Variants in PELI2 observed in about 807,000 individuals in gnomAD.
PELI2 encodes E3 ubiquitin-protein ligase pellino homolog 2.
A neutral mutation model predicts 42.3 loss-of-function variants in PELI2; 23 were observed. The observed-to-expected ratio is 0.54, with a 90% confidence interval of 0.39 to 0.77. The LOEUF (loss-of-function observed/expected upper bound fraction) is 0.77, where lower values mean the gene tolerates loss of function less well. Among genes scored for constraint, PELI2 ranks in the 30% least tolerant of loss-of-function variants. The pLI is 0.00. For missense variants in PELI2, 463 were observed against 553.2 expected (o/e 0.84, Z 1.64); for synonymous variants, 245 against 212.2 (o/e 1.15, Z -1.34).
At chr14:56,184,476 T>C (rs573299181) in intron 2 of PELI2, among the ~76,000 whole-genome samples, 1 of 152,120 alleles carries the variant, frequency 6.6e-6, no homozygotes, top group African/African-American at 2.4e-5. Flanking sequence ...AATTAAATTT[T>C]AATAACATCC....
chr14:56,198,421 A>C (rs539354730), intron 2 of PELI2, among the ~76,000 whole-genome samples: 1 of 152,204 alleles, frequency 6.6e-6, no homozygotes, highest in Non-Finnish European at 1.5e-5. Context: ...GCGTGGCATC[A>C]TGGAGCATGA....
chr14:56,140,322 A>G lies in PELI2; in HGVS notation c.77+21585A>G, dbSNP rs556150415. Among the ~76,000 whole-genome samples the G allele has an allele frequency of 5.1e-4, 77 of 152,324 alleles. 1 individual carries two copies. The highest frequency in any genetic ancestry group is 1.6e-3 in the African/African-American group (68 of 41,562). On this transcript the variant is annotated intron_variant, in intron 1 of 5. Coordinates refer to ENST00000267460, the MANE Select transcript of PELI2 (RefSeq NM_021255.3). ...ACTTATTCATTTAAAATGAATTACA[A>G]CCATATCTATGGTCACTTTAAATGA...
In PELI2 at chr14:56,219,061, T is replaced by G. The variant is rs1594650760; in HGVS notation, c.207+40597T>G. Among the ~76,000 whole-genome samples the G allele has an allele frequency of 2.0e-5, 3 of 152,292 alleles. No individual in the cohort carries two copies. The East Asian group carries it at 5.8e-4, about 29-fold the overall frequency. On this transcript the variant is annotated intron_variant, in intron 2 of 5. Transcript: ENST00000267460. This position sits in a 1 kb window ranked among gnomAD's most constrained non-coding sequence, Gnocchi z 4.1. ...CCATTTCCTGTTTTTTTCACATTTCTTTTTCTAAGAATAAACAGAACCCTA... is the reference window on the plus strand; with the variant it reads ...CCATTTCCTGTTTTTTTCACATTTCGTTTTCTAAGAATAAACAGAACCCTA...
chr14:56,297,283 A>G lies in PELI2; in HGVS notation c.*117A>G. ...TCAGAGGAGGGTGACAGGGGCTGGA[A>G]ATAAAGAGAGGGGACATGGTGATGA... On this transcript the variant is annotated 3_prime_UTR_variant, in exon 6 of 6. Coordinates refer to ENST00000267460, the MANE Select transcript of PELI2 (RefSeq NM_021255.3). 1.5e-6 allele frequency: 1 copy of G among 679,986 alleles called. No individual in the cohort carries two copies. Among genetic ancestry groups the G allele is most frequent in the Non-Finnish European group, 2.5e-6 (1 of 398,786 alleles). 42.1% of individuals were successfully genotyped at this position (679,986 alleles called of 1,614,324 possible). A position where few individuals can be genotyped will look rare whatever the true frequency, so the allele number is the denominator to read the frequency against.
chr14:56,167,006 G>C (rs531657035), intron 1 of PELI2, among the ~76,000 whole-genome samples: 2 of 152,198 alleles, frequency 1.3e-5, no homozygotes, highest in African/African-American at 4.8e-5. Context: ...AGCCAGGATG[G>C]TCTTGATCTC....
At chr14:56,266,842 C>T (rs1385936020) in intron 2 of PELI2, among the ~76,000 whole-genome samples, 1 of 151,874 alleles carries the variant, frequency 6.6e-6, no homozygotes, top group East Asian at 1.9e-4. Flanking sequence ...TTAATGCCTG[C>T]TAAAAAAGAT....
intron 2 of PELI2, among the ~76,000 whole-genome samples, chr14:56,254,138 C>T (rs928465393): frequency 2.0e-5 from 3 of 152,154 alleles, no homozygotes; most frequent in Admixed American, 6.5e-5. Flanking sequence ...TGGTGGCTCA[C>T]GCCTGTAATC....
At chr14:56,262,212 T>C (rs1246492042) in intron 2 of PELI2, among the ~76,000 whole-genome samples, 1 of 152,220 alleles carries the variant, frequency 6.6e-6, no homozygotes, top group African/African-American at 2.4e-5. Flanking sequence ...ACAGCAAGTA[T>C]AATAACCTAA....
intron 1 of PELI2, among the ~76,000 whole-genome samples, chr14:56,164,712 T>C (rs1285478730): frequency 6.6e-6 from 1 of 152,060 alleles, no homozygotes; most frequent in Non-Finnish European, 1.5e-5. Context: ...GCTTTGATCT[T>C]ACTTGTTATT....
intron 2 of PELI2, among the ~76,000 whole-genome samples, chr14:56,246,015 A>T (rs992805929): frequency 6.6e-6 from 1 of 152,208 alleles, no homozygotes; most frequent in Non-Finnish European, 1.5e-5. Flanking sequence ...TGTAGCTACT[A>T]AACTAATAGA....
intron 2 of PELI2, among the ~76,000 whole-genome samples, chr14:56,233,093 C>T (rs1042729743): frequency 5.3e-5 from 8 of 151,910 alleles, no homozygotes; most frequent in African/African-American, 1.5e-4. Context: ...CTCTGCTCAA[C>T]GAAATAAAAA....
At chr14:56,280,350 A>G (rs1463346697) in intron 3 of PELI2, among the ~76,000 whole-genome samples, 2 of 152,124 alleles carry the variant, frequency 1.3e-5, no homozygotes, top group Non-Finnish European at 2.9e-5. Context: ...AGTGGTATAT[A>G]ATATAAAGTC....
intron 1 of PELI2, among the ~76,000 whole-genome samples, chr14:56,122,538 A>G (rs1356085055): frequency 6.6e-6 from 1 of 151,798 alleles, no homozygotes; most frequent in Non-Finnish European, 1.5e-5. Context: ...TTGGAAAAAT[A>G]TTGCTTACTC....
intron 2 of PELI2, among the ~76,000 whole-genome samples, chr14:56,265,574 A>C (rs1888871795): frequency 6.6e-6 from 1 of 152,122 alleles, no homozygotes; most frequent in African/African-American, 2.4e-5. Flanking sequence ...AAAACCAAAA[A>C]TGTGATTTAT....
At chr14:56,125,180 G>C (rs1306150293) in intron 1 of PELI2, among the ~76,000 whole-genome samples, 1 of 152,166 alleles carries the variant, frequency 6.6e-6, no homozygotes, top group East Asian at 1.9e-4. Flanking sequence ...CTGAGACCTA[G>C]TTTCGTGTGA....
At chr14:56,254,852 G>A (rs891680981) in intron 2 of PELI2, among the ~76,000 whole-genome samples, 1 of 152,192 alleles carries the variant, frequency 6.6e-6, no homozygotes, top group Non-Finnish European at 1.5e-5. Flanking sequence ...CTTCTCAAAA[G>A]AAGACATTTA....
intron 3 of PELI2, among the ~76,000 whole-genome samples, chr14:56,287,229 AAAC>A (rs1889673921): frequency 6.6e-6 from 1 of 152,212 alleles, no homozygotes; most frequent in Non-Finnish European, 1.5e-5. Context: ...TTTTACTCCT[AAAC>A]TTCACTGGAA....
At chr14:56,276,933 C>T (rs999287638) in intron 2 of PELI2, among the ~76,000 whole-genome samples, 3 of 152,204 alleles carry the variant, frequency 2.0e-5, no homozygotes, top group African/African-American at 7.2e-5. Flanking sequence ...TTGGGTAAGA[C>T]TCCCCTTTGC....
At chr14:56,178,505 A>G (rs113414184) in intron 2 of PELI2, 41 bp downstream of exon 2, 16 of 1,608,144 alleles carry the variant, frequency 9.9e-6, no homozygotes, top group African/African-American at 8.0e-5. Context: ...GCTGGCAAAC[A>G]GTGACTCACA....
Sources: gnomAD v4.1 joint callset for allele counts (sites outside exome capture counted in the v4.1 genomes callset) on GRCh38, gnomAD v4.1.1 for gene constraint, Gnocchi (gnomAD v3.1) non-coding constraint, MANE v1.5 for transcripts, NCBI Gene and HGNC (gene_info 2026-07-23, HGNC 2026-07-21) for gene names.